FREM2: variants seen among roughly 807,000 people sequenced by gnomAD.
The protein encoded by FREM2 is FRAS1-related extracellular matrix protein 2.
FREM2 carries 119 observed loss-of-function variants against 219.9 expected under a neutral mutation model. The observed-to-expected ratio is 0.54, with a 90% CI of 0.47 to 0.63. The LOEUF (loss-of-function observed/expected upper bound fraction) is 0.63. Ranked by LOEUF, FREM2 falls within the 30% of genes least tolerant of loss-of-function variation. The probability of loss-of-function intolerance (pLI) is 0.00; values close to 1 mark genes in which losing one functional copy is unlikely to be tolerated. For synonymous variants in FREM2, 1,562 were observed against 1,522.8 expected (o/e 1.03, Z -0.60); for missense variants, 4,030 against 3,993.6 (o/e 1.01, Z -0.25).
chr13:38,776,344 A>T (rs1056064876), intron 4 of FREM2, among the ~76,000 whole-genome samples: 2 of 152,196 alleles, frequency 1.3e-5, no homozygotes, highest in Non-Finnish European at 2.9e-5. Context: ...GTTCTATTAT[A>T]GCAGATTTTT....
chr13:38,705,057 A>G (rs1388159285), intron 2 of FREM2, among the ~76,000 whole-genome samples: 2 of 152,172 alleles, frequency 1.3e-5, no homozygotes, highest in African/African-American at 4.8e-5. Context: ...CCCAAACTAA[A>G]TCATTTTAAA....
chr13:38,781,656 T>A (rs1391869862), intron 4 of FREM2, among the ~76,000 whole-genome samples: 1 of 152,188 alleles, frequency 6.6e-6, no homozygotes, highest in South Asian at 2.1e-4. Flanking sequence ...GGGGGCTTTT[T>A]AAAAATTAGT....
intron 2 of FREM2, among the ~76,000 whole-genome samples, chr13:38,750,464 T>C (rs2137792823): frequency 6.6e-6 from 1 of 152,306 alleles, no homozygotes; most frequent in Admixed American, 6.5e-5. Context: ...GAGTTCATTT[T>C]TTTTATGGTT....
Position 38,883,949 on chromosome 13 carries a change from G to A in FREM2, c.*3162G>A, listed in dbSNP as rs919633815. The A allele has an allele frequency of 6.6e-6, 1 of 152,202 alleles. No individual in the cohort carries two copies. The highest frequency in any genetic ancestry group is 2.4e-5 in the African/African-American group (1 of 41,454). 9.4% of individuals were successfully genotyped at this position (152,202 alleles called of 1,614,324 possible). A position where few individuals can be genotyped will look rare whatever the true frequency, so the allele number is the denominator to read the frequency against. On this transcript the variant is annotated 3_prime_UTR_variant, in exon 24 of 24. Coordinates refer to ENST00000280481, the MANE Select transcript of FREM2 (RefSeq NM_207361.6). The stretch of plus-strand genomic sequence containing the variant: ...CAAAACCTCACTGGGGGAGTGCCTT[G>A]TAGAGCTGTGGGTGGGACTGCACAT...
chr13:38,866,480 A>G (rs753049725), intron 16 of FREM2, among the ~76,000 whole-genome samples: 1 of 152,000 alleles, frequency 6.6e-6, no homozygotes, highest in Non-Finnish European at 1.5e-5. Flanking sequence ...CCTAGGCAAC[A>G]GAGCGAGACT....
At chr13:38,822,347 C>CTT (rs951562767) in intron 6 of FREM2, among the ~76,000 whole-genome samples, 16 of 100,028 alleles carry the variant, frequency 1.6e-4, no homozygotes, top group South Asian at 3.8e-4. Flanking sequence ...TTCTTTCTTT[C>CTT]TTTTTTTTTT....
rs1877078021 is a variant in FREM2 at position 38,844,522 on chromosome 13, A to G, written c.6020-2051A>G. On this transcript the variant is annotated intron_variant, in intron 6 of 23. Coordinates refer to ENST00000280481, the MANE Select transcript of FREM2 (RefSeq NM_207361.6). ...TGACAGAATGAGTCTGAAACATGCA[A>G]CACACCATTTGGTCCCCGATGTGTA... is the stretch of plus-strand genomic sequence containing the variant. Among the ~76,000 whole-genome samples the G allele has an allele frequency of 2.0e-5, 3 of 152,322 alleles. No individual in the cohort carries two copies. In the South Asian group the frequency reaches 6.2e-4, roughly 32 times the overall value.
chr13:38,767,938 C>CT (rs1464358042), intron 3 of FREM2, among the ~76,000 whole-genome samples: 2 of 152,128 alleles, frequency 1.3e-5, no homozygotes, highest in African/African-American at 4.8e-5. Flanking sequence ...TTCATCTTCA[C>CT]TTTAAGATTA....
In FREM2 at chr13:38,691,638, A is replaced by G; in HGVS notation, c.4294A>G (p.Lys1432Glu). Residue 1432 changes from lysine to glutamate, a missense_variant, in exon 1 of 24, where the codon AAA becomes GAA. Coordinates refer to ENST00000280481, the MANE Select transcript of FREM2 (RefSeq NM_207361.6). ...TGTGATAAGTAAGGGAGTGTCCTTG[A>G]AAGAAGGTGGCAAAGTCACTCTTAC... Reference protein sequence around the residue: ...PDVISKGVSLKEGGKVTLTTD... With the variant: ...PDVISKGVSLEEGGKVTLTTD... 6.2e-7 allele frequency: 1 copy of G among 1,614,140 alleles called. No homozygotes were observed. Among genetic ancestry groups the G allele is most frequent in the Non-Finnish European group, 8.5e-7 (1 of 1,180,026 alleles).
chr13:38,871,335 CTTG>C (rs1309547437), intron 16 of FREM2, among the ~76,000 whole-genome samples: 9 of 152,130 alleles, frequency 5.9e-5, no homozygotes, highest in Non-Finnish European at 1.3e-4. Context: ...GCCTGTGATT[CTTG>C]TTGTGAGCTG....
At chr13:38,816,098 C>T (rs1426274872) in intron 6 of FREM2, among the ~76,000 whole-genome samples, 1 of 152,118 alleles carries the variant, frequency 6.6e-6, no homozygotes, top group Non-Finnish European at 1.5e-5. Context: ...AAAAAGTCCT[C>T]CATCAAAGAA....
chr13:38,857,330 T>C (rs917431514), intron 12 of FREM2, among the ~76,000 whole-genome samples: 2 of 152,164 alleles, frequency 1.3e-5, no homozygotes, highest in Admixed American at 6.5e-5. Flanking sequence ...CAGGTGTTCA[T>C]AGATTCCTCT....
intron 2 of FREM2, among the ~76,000 whole-genome samples, chr13:38,709,597 A>C (rs1428159501): frequency 6.6e-6 from 1 of 152,132 alleles, no homozygotes; most frequent in African/African-American, 2.4e-5. Context: ...ACATAGGTAT[A>C]TATACCTATG....
At chr13:38,831,677 T>C (rs1876516353) in intron 6 of FREM2, among the ~76,000 whole-genome samples, 1 of 151,744 alleles carries the variant, frequency 6.6e-6, no homozygotes, top group Admixed American at 6.6e-5. Context: ...TGGTGTGATT[T>C]TGGCTCACTG....
At chr13:38,715,898 TA>T (rs1400797088) in intron 2 of FREM2, among the ~76,000 whole-genome samples, 2 of 152,144 alleles carry the variant, frequency 1.3e-5, no homozygotes, top group Non-Finnish European at 2.9e-5. Flanking sequence ...AATTAAATAA[TA>T]TAAATGAAAA....
intron 6 of FREM2, among the ~76,000 whole-genome samples, chr13:38,802,548 C>A (rs1461491501): frequency 3.3e-5 from 5 of 152,138 alleles, no homozygotes; most frequent in South Asian, 2.1e-4. Context: ...GCACCCCAGT[C>A]CCACAACAGC....
intron 11 of FREM2, 121 bp from the exon 12 acceptor site, chr13:38,856,005 G>A: frequency 1.5e-6 from 1 of 671,860 alleles, no homozygotes; most frequent in South Asian, 1.7e-5. Context: ...CAAATATACT[G>A]GACCACAGTG....
chr13:38,819,059 A>T (rs547257675), intron 6 of FREM2, among the ~76,000 whole-genome samples: 1 of 152,274 alleles, frequency 6.6e-6, no homozygotes, highest in Admixed American at 6.5e-5. Flanking sequence ...AGTGTCAATT[A>T]AAAAACAAAT....
intron 6 of FREM2, among the ~76,000 whole-genome samples, chr13:38,814,715 C>A (rs888457070): frequency 5.3e-5 from 8 of 152,146 alleles, no homozygotes; most frequent in African/African-American, 1.9e-4. Context: ...GGATTAGAAT[C>A]AAAAACTTTA....
Sources: gnomAD v4.1 joint callset for allele counts (sites outside exome capture counted in the v4.1 genomes callset) on GRCh38, gnomAD v4.1.1 for gene constraint, MANE v1.5 for transcripts, NCBI Gene and HGNC (gene_info 2026-07-23, HGNC 2026-07-21) for gene names.